TCAF1: variants seen among roughly 807,000 people sequenced by gnomAD.
TCAF1 encodes the protein TRPM8 channel-associated factor 1.
A neutral mutation model predicts 27.3 loss-of-function variants in TCAF1; 4 were observed. That is an observed-to-expected ratio of 0.15 (90% CI 0.07 to 0.34). The LOEUF (loss-of-function observed/expected upper bound fraction) is 0.34, where lower values mean the gene tolerates loss of function less well. Among genes scored for constraint, TCAF1 ranks in the 10% least tolerant of loss-of-function variants. The pLI, the probability that TCAF1 is intolerant of heterozygous loss-of-function variation, is 1.00. For synonymous variants in TCAF1, 105 were observed against 167.1 expected, an observed-to-expected ratio of 0.63 and a Z score of 2.87; for missense variants, 257 against 425.8, an observed-to-expected ratio of 0.60 and a Z score of 3.49.
At chr7:143,897,297 T>C (rs1032558599) in intron 1 of TCAF1, among the ~76,000 whole-genome samples, 1 of 151,252 alleles carries the variant, frequency 6.6e-6, no homozygotes, top group Non-Finnish European at 1.5e-5. Flanking sequence ...TCCTCATCCT[T>C]AGCCTACTCA....
chr7:143,895,626 T>C (rs1335777733), intron 1 of TCAF1, among the ~76,000 whole-genome samples: 1 of 151,698 alleles, frequency 6.6e-6, no homozygotes, highest in Non-Finnish European at 1.5e-5. Context: ...TCTACGCACA[T>C]TATAACTCAG....
At chr7:143,877,841 T>A in intron 1 of TCAF1, among the ~76,000 whole-genome samples, 1 of 152,208 alleles carries the variant, frequency 6.6e-6, no homozygotes, top group African/African-American at 2.4e-5. Flanking sequence ...CTAGAACCAC[T>A]TACTTTCTGT....
At chr7:143,890,880 T>G (rs909852503) in intron 1 of TCAF1, among the ~76,000 whole-genome samples, 2 of 152,192 alleles carry the variant, frequency 1.3e-5, no homozygotes, top group South Asian at 2.1e-4. Flanking sequence ...AGGAAACTTG[T>G]AGGAAATAGT....
chr7:143,856,898 C>T (rs933638987), intron 8 of TCAF1, among the ~76,000 whole-genome samples: 1 of 125,302 alleles, frequency 8.0e-6, no homozygotes, highest in Non-Finnish European at 1.7e-5. Context: ...GAAACAGAAG[C>T]CCTTGCACCT....
chr7:143,860,037 A>AATATATATTATATATTAT lies in TCAF1; in HGVS notation c.2167+170_2167+171insATAATATATAATATATAT, dbSNP rs1554486009. 2.5e-4 allele frequency among the ~76,000 whole-genome samples: 17 copies of AATATATATTATATATTAT among 68,232 alleles called. 2 individuals are homozygous for AATATATATTATATATTAT. The highest frequency in any genetic ancestry group is 3.4e-4 in the Non-Finnish European group (13 of 37,938). 44.8% of individuals were successfully genotyped at this position (68,232 alleles called of 152,430 possible). ...AATATATATTATATATTATATATAT[A>AATATATATTATATATTAT]ATATATAATATATATTATATATATT... On this transcript the variant is annotated intron_variant, in intron 6 of 8. Coordinates refer to ENST00000479870, the MANE Select transcript of TCAF1 (RefSeq NM_014719.3).
At chr7:143,885,679 CTCTA>C (rs1476341014) in intron 1 of TCAF1, 5 of 388,944 alleles carry the variant, frequency 1.3e-5, no homozygotes, top group Non-Finnish European at 1.8e-5. Context: ...TATATATTGC[CTCTA>C]TCTATATATT....
intron 1 of TCAF1, among the ~76,000 whole-genome samples, chr7:143,891,577 A>G (rs751916332): frequency 2.0e-5 from 3 of 152,170 alleles, no homozygotes; most frequent in South Asian, 2.1e-4. Flanking sequence ...CATACATAAC[A>G]TAAGAGGAAA....
Position 143,852,556 on chromosome 7 carries a change from T to C in TCAF1, c.*1577A>G, listed in dbSNP as rs1811359297. 6.5e-6 allele frequency: 1 copy of C among 152,686 alleles called. No individual in the cohort carries two copies. Among genetic ancestry groups the C allele is most frequent in the African/African-American group, 2.4e-5 (1 of 41,498 alleles). The allele number at this position is 152,686 out of a possible 1,614,324, so 9.5% of individuals were successfully genotyped here. On this transcript the variant is annotated 3_prime_UTR_variant, in exon 9 of 9. Coordinates refer to ENST00000479870, the MANE Select transcript of TCAF1 (RefSeq NM_014719.3). ...GAAAATGTCTTCACTTTGATGTTCT[T>C]CTTGACAGTCTGCCTTACTATGAAA...
At chr7:143,897,135 T>TG (rs1296582543) in intron 1 of TCAF1, among the ~76,000 whole-genome samples, 2 of 17,492 alleles carry the variant, frequency 1.1e-4, no homozygotes, top group African/African-American at 9.6e-4. Context: ...ATCTTGAATA[T>TG]ATATATATAT....
chr7:143,876,578 G>A lies in TCAF1; in HGVS notation c.31C>T (p.Leu11Phe). The A allele has an allele frequency of 6.6e-7, 1 of 1,518,440 alleles. No homozygotes were observed. 94.1% of individuals were successfully genotyped at this position (1,518,440 alleles called of 1,614,324 possible). Residue 11 changes from leucine to phenylalanine, a missense_variant, in exon 2 of 9, where the codon CTT becomes TTT. Physicochemically the swap from Leu to Phe is conservative, Grantham distance 22 (BLOSUM62 0). Transcript: ENST00000479870. ...TCCCAGCTTGTCACACCATTCATAA[G>A]GGCCTCGAAGGCAGCAGAGGGAGTC... MATPSAAFEA[L>F]MNGVTSWDVP...
At chr7:143,889,243 G>A (rs1175204792) in intron 1 of TCAF1, among the ~76,000 whole-genome samples, 1 of 152,172 alleles carries the variant, frequency 6.6e-6, no homozygotes, top group Non-Finnish European at 1.5e-5. Flanking sequence ...GATTGTGGGA[G>A]AGTTATTATT....
intron 1 of TCAF1, among the ~76,000 whole-genome samples, chr7:143,884,702 T>G: frequency 7.1e-6 from 1 of 140,308 alleles, no homozygotes; most frequent in Non-Finnish European, 1.5e-5. Flanking sequence ...GGGCATGAGA[T>G]TTGGTGGGGG....
At chr7:143,885,791 CAG>C (rs750784113) in intron 1 of TCAF1, among the ~76,000 whole-genome samples, 4 of 151,998 alleles carry the variant, frequency 2.6e-5, no homozygotes, top group Admixed American at 6.5e-5. Context: ...TATATAAACA[CAG>C]AAATTGTATG....
chr7:143,899,102 T>C (rs1814010104), intron 1 of TCAF1, among the ~76,000 whole-genome samples: 1 of 152,212 alleles, frequency 6.6e-6, no homozygotes, highest in Non-Finnish European at 1.5e-5. Flanking sequence ...GGTATTCTGC[T>C]ATGGTAGCAC....
rs1008344123 is a variant in TCAF1, at chr7:143,876,344, C to T, written c.265G>A (p.Gly89Arg). The T allele has an allele frequency of 1.9e-6, 3 of 1,614,178 alleles. No homozygotes were observed. In the Admixed American group the frequency reaches 5.0e-5, roughly 27 times the overall value. The change falls in exon 2 of 9, where the codon GGG (glycine) becomes AGG (arginine). Residue 89 changes from glycine (G) to arginine (R), a missense_variant. Around this residue, in one of 2 missense-constraint regions of TCAF1, gnomAD observed 255 missense variants for 260.1 expected, o/e 0.98. Coordinates refer to ENST00000479870, the MANE Select transcript of TCAF1 (RefSeq NM_014719.3). ...GATGGGTGTACACCAATGGGAGCCC[C>T]AGGGGAAGAGCAAAGCCACCCCACT... is the stretch of plus-strand genomic sequence containing the variant. Reference protein sequence around the residue: ...NAVGWLCSSPGAPIGVHPSLA... With the variant: ...NAVGWLCSSPRAPIGVHPSLA...
chr7:143,894,103 AAATTTAACAAACTCAGATG>A (rs1813770330), intron 1 of TCAF1, among the ~76,000 whole-genome samples: 2 of 151,870 alleles, frequency 1.3e-5, no homozygotes, highest in South Asian at 4.1e-4. Flanking sequence ...ATATGCCAAT[AAATTTAACAAACTCAGATG>A]AATTTGCAAA....
At chr7:143,885,417 G>C (rs1287443836) in intron 1 of TCAF1, 1 of 985,344 alleles carries the variant, frequency 1.0e-6, no homozygotes, top group Non-Finnish European at 1.2e-6. Context: ...GCGGGTGGAG[G>C]CGGAGCTTGG....
rs1562973907 is a variant in TCAF1, at chr7:143,895,958, A to C, written c.-15+6003T>G. On this transcript the variant is annotated intron_variant, in intron 1 of 8. Transcript: ENST00000479870. ...AATGGGTGGGGGGAGGGGCAGGGAA[A>C]GAAACATAAAAGGCAGGAAAAATAA... is the stretch of plus-strand genomic sequence containing the variant. Among the ~76,000 whole-genome samples the C allele has an allele frequency of 2.6e-5, 4 of 151,218 alleles. No individual in the cohort carries two copies. The Middle Eastern group carries it at 0.01, about 386-fold the overall frequency.
chr7:143,889,262 T>C (rs777792418), intron 1 of TCAF1, among the ~76,000 whole-genome samples: 6 of 152,162 alleles, frequency 3.9e-5, no homozygotes, highest in Non-Finnish European at 8.8e-5. Context: ...TTGAAAGAAA[T>C]GATTGAATTT....
Sources: allele counts gnomAD v4.1 joint callset (sites outside exome capture counted in the v4.1 genomes callset), GRCh38; gene constraint gnomAD v4.1.1; regional missense constraint gnomAD v4.1.1; transcripts MANE v1.5; gene names NCBI Gene and HGNC (gene_info 2026-07-23, HGNC 2026-07-21).